Variants in MEF2D observed in about 807,000 individuals in gnomAD.
MEF2D encodes myocyte-specific enhancer factor 2D.
A neutral mutation model predicts 59.3 loss-of-function variants in MEF2D; 10 were observed. That is an observed-to-expected ratio of 0.17 (90% CI 0.10 to 0.29). The LOEUF (loss-of-function observed/expected upper bound fraction) is 0.29, where lower values mean the gene tolerates loss of function less well. Ranked by LOEUF, MEF2D falls within the 10% of genes least tolerant of loss-of-function variation. MEF2D has a pLI of 1.00. For missense variants in MEF2D, 508 were observed against 699.4 expected (o/e 0.73, Z 3.09); for synonymous variants, 305 against 295.0 (o/e 1.03, Z -0.35).
intron 9 of MEF2D, among the ~76,000 whole-genome samples, chr1:156,471,282 C>T (rs1209242140): frequency 6.6e-6 from 1 of 152,172 alleles, no homozygotes; most frequent in Non-Finnish European, 1.5e-5. Flanking sequence ...AGGCGCACAC[C>T]ATCACGCCCA....
At chr1:156,474,988 C>T in intron 9 of MEF2D, 120 bp downstream of exon 9, 2 of 1,407,388 alleles carry the variant, frequency 1.4e-6, no homozygotes, top group East Asian at 4.8e-5. Context: ...GGTGGGGGTT[C>T]CCCCAAATCA....
Position 156,468,296 on chromosome 1 carries a change from C to T in MEF2D, c.1251G>A (p.Pro417=), listed in dbSNP as rs765320686. Residue 417 remains proline, a synonymous_variant, in exon 11 of 12, where the codon CCG becomes CCA. Coordinates refer to ENST00000348159, the MANE Select transcript of MEF2D (RefSeq NM_005920.4). This position sits in a 1 kb window ranked among gnomAD's most constrained non-coding sequence, Gnocchi z 4.3. The part of the protein sequence containing the change: ...LVPVSLSNLI[P]GSPLPHVGAA... ...CACCCACGTGGGGCAGGGGGCTGCCCGGGCTGGAGGCAGGCAATGGAAATG... is the reference window on the plus strand; with the variant it reads ...CACCCACGTGGGGCAGGGGGCTGCCTGGGCTGGAGGCAGGCAATGGAAATG... The T allele has an allele frequency of 8.1e-5, 125 of 1,541,778 alleles. No individual in the cohort carries two copies. The highest frequency in any genetic ancestry group is 1.0e-4 in the Non-Finnish European group (117 of 1,143,804).
rs1384530670 is a variant in MEF2D at position 156,498,365 on chromosome 1, C to T, written c.-139+2121G>A. Among the ~76,000 whole-genome samples the T allele has an allele frequency of 1.2e-4, 18 of 152,076 alleles. No homozygotes were observed. In the East Asian group the frequency reaches 3.5e-3, roughly 29 times the overall value. On this transcript the variant is annotated intron_variant, in intron 1 of 11. Transcript: ENST00000348159. Reference sequence around the variant, plus strand: ...CTCTAGCCAATTCCCCATGCCCATCCCCCAACACAAGGATCATGAGGCTCT... The same window carrying T: ...CTCTAGCCAATTCCCCATGCCCATCTCCCAACACAAGGATCATGAGGCTCT...
intron 8 of MEF2D, 64 bp from the exon 9 acceptor site, chr1:156,475,301 A>G: frequency 7.3e-6 from 11 of 1,502,784 alleles, no homozygotes; most frequent in Non-Finnish European, 9.8e-6. Flanking sequence ...TTGGCCCTCC[A>G]TCCCAAGGCC....
At position 156,478,560 on chromosome 1, in the gene MEF2D, C is replaced by T. The variant is rs146616047; in HGVS notation, c.664+730G>A. On this transcript the variant is annotated intron_variant, in intron 6 of 11. Transcript: ENST00000348159. Reference sequence around the variant, plus strand: ...TTTTTTATTTTTTGAGACGGAGTTTCGCTCCTGTTGCCCGGGCTGGAGTGC... The same window carrying T: ...TTTTTTATTTTTTGAGACGGAGTTTTGCTCCTGTTGCCCGGGCTGGAGTGC... Among the ~76,000 whole-genome samples, 8 of 152,204 alleles carry T rather than the reference C, an allele frequency of 5.3e-5. No individual in the cohort carries two copies. In the East Asian group the frequency reaches 5.8e-4, roughly 11 times the overall value.
chr1:156,488,851 T>A (rs1194080079), intron 1 of MEF2D, among the ~76,000 whole-genome samples: 1 of 152,140 alleles, frequency 6.6e-6, no homozygotes, highest in Non-Finnish European at 1.5e-5. Context: ...GTCCTTCCCA[T>A]GGAGCTGCAG....
intron 9 of MEF2D, among the ~76,000 whole-genome samples, chr1:156,471,052 T>C (rs1671206534): frequency 6.6e-6 from 1 of 152,140 alleles, no homozygotes; most frequent in Non-Finnish European, 1.5e-5. Context: ...TAGGATCAAC[T>C]ATTTCTTTTC....
intron 1 of MEF2D, among the ~76,000 whole-genome samples, chr1:156,493,581 G>C (rs1464712169): frequency 6.6e-6 from 1 of 151,970 alleles, no homozygotes; most frequent in Non-Finnish European, 1.5e-5. Context: ...GAAGGGGGTG[G>C]GGAGAGCAGT....
chr1:156,480,393 T>C (rs1671917736), intron 4 of MEF2D, among the ~76,000 whole-genome samples: 1 of 151,984 alleles, frequency 6.6e-6, no homozygotes, highest in Non-Finnish European at 1.5e-5. Flanking sequence ...TGCTGTCCTC[T>C]AAGGATCTCA....
At chr1:156,486,452 C>T (rs533949959) in intron 1 of MEF2D, among the ~76,000 whole-genome samples, 1 of 152,206 alleles carries the variant, frequency 6.6e-6, no homozygotes, top group Non-Finnish European at 1.5e-5. Context: ...AAAACCCAAT[C>T]TAGACTGTTA....
intron 1 of MEF2D, chr1:156,499,436 G>A (rs983858940): frequency 2.0e-5 from 3 of 152,146 alleles, no homozygotes; most frequent in East Asian, 3.9e-4. Context: ...GCAAACCTGG[G>A]ATAACCCGGT....
At chr1:156,470,281 C>T (rs1194837514) in intron 9 of MEF2D, among the ~76,000 whole-genome samples, 3 of 151,692 alleles carry the variant, frequency 2.0e-5, no homozygotes, top group Admixed American at 6.6e-5. Flanking sequence ...ATTAGCCAGG[C>T]GGTGGCGCGC....
intron 9 of MEF2D, among the ~76,000 whole-genome samples, chr1:156,473,666 T>G (rs957924061): frequency 1.3e-5 from 2 of 152,146 alleles, no homozygotes; most frequent in Non-Finnish European, 2.9e-5. Context: ...TGTGAGTGGG[T>G]GGGTGACACA....
chr1:156,481,384 A>C (rs960562484), intron 3 of MEF2D, among the ~76,000 whole-genome samples: 2 of 151,778 alleles, frequency 1.3e-5, no homozygotes, highest in African/African-American at 4.8e-5. Flanking sequence ...CTCCAGGGGG[A>C]GGTAGGCAGG....
In MEF2D at chr1:156,500,562, C is replaced by G. The variant is rs1320348172; in HGVS notation, c.-215G>C. 4.6e-5 allele frequency: 7 copies of G among 152,258 alleles called. No homozygotes were observed. The highest frequency in any genetic ancestry group is 8.8e-5 in the Non-Finnish European group (6 of 68,062). 9.4% of individuals were successfully genotyped at this position (152,258 alleles called of 1,614,324 possible). A position where few individuals can be genotyped will look rare whatever the true frequency, so the allele number is the denominator to read the frequency against. On this transcript the variant is annotated 5_prime_UTR_variant, in exon 1 of 12. Coordinates refer to ENST00000348159, the MANE Select transcript of MEF2D (RefSeq NM_005920.4). ...CCCCTGGTCCGGGGGATCTTCAACA[C>G]CGGGAAGCCGCAGCTCCGGGCGGGG... is the stretch of plus-strand genomic sequence containing the variant.
chr1:156,475,985 A>G (rs1040347121), intron 8 of MEF2D, among the ~76,000 whole-genome samples: 4 of 152,190 alleles, frequency 2.6e-5, no homozygotes, highest in Admixed American at 6.5e-5. Context: ...AGCTGCCACC[A>G]AGAAGGACAA....
In MEF2D at chr1:156,480,926, C is replaced by G; in HGVS notation, c.304G>C (p.Asp102His). The change falls in exon 4 of 12, where the codon GAC (aspartate) becomes CAC (histidine). Residue 102 changes from aspartate to histidine, a missense_variant. Transcript: ENST00000348159. ...CTCTGTTCCAGCGAGTCCTCCCCGT[C>G]GGGCTCGGGGCTGTCGCAGCCGTTG... Reference protein sequence around the residue: ...GFNGCDSPEPDGEDSLEQSPL... With the variant: ...GFNGCDSPEPHGEDSLEQSPL... 6.2e-7 allele frequency: 1 copy of G among 1,612,138 alleles called. No homozygotes were observed. The highest frequency in any genetic ancestry group is 8.5e-7 in the Non-Finnish European group (1 of 1,179,800).
At chr1:156,493,522 G>A (rs780699268) in intron 1 of MEF2D, among the ~76,000 whole-genome samples, 15 of 151,778 alleles carry the variant, frequency 9.9e-5, no homozygotes, top group Non-Finnish European at 2.2e-4. Context: ...TTCAGGAAAG[G>A]TGCCAGGTGA....
intron 8 of MEF2D, 30 bp from the exon 9 acceptor site, chr1:156,475,267 G>T: frequency 6.4e-7 from 1 of 1,560,494 alleles, no homozygotes; most frequent in East Asian, 2.3e-5. Context: ...GTCAGGAGGT[G>T]GCTGACAGGT....
Sources: gnomAD v4.1 joint callset for allele counts (sites outside exome capture counted in the v4.1 genomes callset) on GRCh38, gnomAD v4.1.1 for gene constraint, Gnocchi (gnomAD v3.1) non-coding constraint, MANE v1.5 for transcripts, NCBI Gene and HGNC (gene_info 2026-07-23, HGNC 2026-07-21) for gene names.